The following TMEFF2 variants were observed in gnomAD, a reference collection of about 807,000 sequenced individuals.
TMEFF2 encodes the protein tomoregulin-2.
A neutral mutation model predicts 53.8 loss-of-function variants in TMEFF2; 28 were observed. That is an observed-to-expected ratio of 0.52 (90% confidence interval 0.39 to 0.71). TMEFF2 has a LOEUF of 0.71. Ranked by LOEUF, TMEFF2 falls within the 30% of genes least tolerant of loss-of-function variation. TMEFF2 has a pLI of 0.00. For missense variants in TMEFF2, 353 were observed against 455.2 expected (o/e 0.78, Z 2.04); for synonymous variants, 162 against 166.3 (o/e 0.97, Z 0.20).
intron 4 of TMEFF2, among the ~76,000 whole-genome samples, chr2:192,162,953 C>G (rs1270851913): frequency 6.6e-6 from 1 of 152,146 alleles, no homozygotes; most frequent in Non-Finnish European, 1.5e-5. Flanking sequence ...ACAAGCAGAG[C>G]TTAATTGTAG....
At chr2:192,166,065 A>G (rs1690758254) in intron 4 of TMEFF2, among the ~76,000 whole-genome samples, 1 of 152,154 alleles carries the variant, frequency 6.6e-6, no homozygotes, top group African/African-American at 2.4e-5. Flanking sequence ...ACCTGTTTCT[A>G]GTTCGTGACG....
chr2:192,147,286 T>C (rs781083353), intron 4 of TMEFF2, among the ~76,000 whole-genome samples: 1 of 152,070 alleles, frequency 6.6e-6, no homozygotes, highest in Non-Finnish European at 1.5e-5. Context: ...AGTCCACTTA[T>C]AATGATAAAC....
At chr2:192,078,614 G>A (rs1294353948) in intron 4 of TMEFF2, among the ~76,000 whole-genome samples, 1 of 152,088 alleles carries the variant, frequency 6.6e-6, no homozygotes, top group African/African-American at 2.4e-5. Flanking sequence ...TATTTGTGGG[G>A]AATTCAGGCA....
intron 3 of TMEFF2, among the ~76,000 whole-genome samples, chr2:192,182,802 G>C (rs1207598901): frequency 6.6e-6 from 1 of 151,894 alleles, no homozygotes; most frequent in East Asian, 1.9e-4. Flanking sequence ...CCTGGTTCCT[G>C]GGATTTTACT....
chr2:192,091,501 C>T (rs1160533177), intron 4 of TMEFF2, among the ~76,000 whole-genome samples: 3 of 152,124 alleles, frequency 2.0e-5, no homozygotes, highest in Non-Finnish European at 4.4e-5. Context: ...TATTTACTTC[C>T]TTTGCTTGTC....
chr2:192,131,408 C>T lies in TMEFF2; in HGVS notation c.439+48260G>A, dbSNP rs532507886. Among the ~76,000 whole-genome samples the T allele has an allele frequency of 2.0e-4, 30 of 151,438 alleles. No homozygotes were observed. In the South Asian group the frequency reaches 2.9e-3, roughly 15 times the overall value. On this transcript the variant is annotated intron_variant, in intron 4 of 9. Coordinates refer to ENST00000272771, the MANE Select transcript of TMEFF2 (RefSeq NM_016192.4). ...CTCCTTCACCTTTAGCGGCAAGTCC[C>T]GCTTTTCTGGGGGAAGGGCAAGTAC...
In TMEFF2 at chr2:192,006,230, T is replaced by G. The variant is rs1289515084; in HGVS notation, c.537-7022A>C. 4.6e-5 allele frequency among the ~76,000 whole-genome samples: 7 copies of G among 152,248 alleles called. No individual in the cohort carries two copies. The East Asian group carries it at 1.4e-3, about 29-fold the overall frequency. ...AGCTTAGTTGCCATTAGTATCGATC[T>G]CTTTATAAGGATGCAAAACATAGAA... On this transcript the variant is annotated intron_variant, in intron 5 of 9. Coordinates refer to ENST00000272771, the MANE Select transcript of TMEFF2 (RefSeq NM_016192.4).
At chr2:192,006,345 A>G (rs1224946455) in intron 5 of TMEFF2, among the ~76,000 whole-genome samples, 1 of 152,144 alleles carries the variant, frequency 6.6e-6, no homozygotes, top group African/African-American at 2.4e-5. Context: ...TCAGAGGAAA[A>G]CTGAGCTGCG....
intron 7 of TMEFF2, among the ~76,000 whole-genome samples, chr2:191,984,045 C>A (rs757540169): frequency 6.6e-6 from 1 of 152,098 alleles, no homozygotes; most frequent in Non-Finnish European, 1.5e-5. Context: ...CCTAGTAGTC[C>A]ATCTGCTGAA....
intron 5 of TMEFF2, among the ~76,000 whole-genome samples, chr2:192,040,738 A>C (rs1268719204): frequency 1.3e-5 from 2 of 152,164 alleles, no homozygotes; most frequent in Non-Finnish European, 2.9e-5. Context: ...TGAATTTTAC[A>C]TATGAGAAAA....
rs147664271 is a variant in TMEFF2 at position 191,978,301 on chromosome 2, A to C, written c.745+19961T>G. Among the ~76,000 whole-genome samples, 607 of 152,226 alleles carry C rather than the reference A, an allele frequency of 4.0e-3. 3 individuals are homozygous for C. The highest frequency in any genetic ancestry group is 0.014 in the African/African-American group (573 of 41,550). On this transcript the variant is annotated intron_variant, in intron 7 of 9. Transcript: ENST00000272771. ...TGGTCAAAGGGATCTCAGTTTATAC[A>C]TACTCTCAGCTTCTTAAATAGGTGG...
At chr2:191,959,264 C>T (rs983002679) in intron 7 of TMEFF2, among the ~76,000 whole-genome samples, 2 of 152,176 alleles carry the variant, frequency 1.3e-5, no homozygotes, top group Admixed American at 6.5e-5. Context: ...TGTTTAAAAT[C>T]CTCAACTAGT....
rs1688935979 is a variant in TMEFF2, at chr2:192,097,300, G to GT, written c.440-39526dup. Among the ~76,000 whole-genome samples the GT allele has an allele frequency of 2.0e-5, 3 of 152,348 alleles. No homozygotes were observed. The South Asian group carries it at 6.2e-4, about 32-fold the overall frequency. On this transcript the variant is annotated intron_variant, in intron 4 of 9. Transcript: ENST00000272771. ...ACAACAGAAGTACATAGATTTGGTT[G>GT]TAATTCCAGTTGATTGTTGATTTGT...
chr2:192,111,988 T>C (rs989243784), intron 4 of TMEFF2, among the ~76,000 whole-genome samples: 7 of 152,276 alleles, frequency 4.6e-5, no homozygotes, highest in South Asian at 2.1e-4. Flanking sequence ...AGAGAATGCA[T>C]GGAAATGCCT....
intron 4 of TMEFF2, among the ~76,000 whole-genome samples, chr2:192,168,635 C>T (rs1179151756): frequency 6.6e-6 from 1 of 152,050 alleles, no homozygotes; most frequent in Non-Finnish European, 1.5e-5. Context: ...CTCCTCCTGG[C>T]ATGCCATTAT....
At chr2:192,096,670 C>CTCTGTCTTTTTTT (rs61068218) in intron 4 of TMEFF2, among the ~76,000 whole-genome samples, 2 of 53,684 alleles carry the variant, frequency 3.7e-5, no homozygotes, top group African/African-American at 1.3e-4. Context: ...CTCTCTCTCT[C>CTCTGTCTTTTTTT]TTTTTTTTTT....
At chr2:192,082,254 C>A (rs1456984200) in intron 4 of TMEFF2, among the ~76,000 whole-genome samples, 1 of 152,046 alleles carries the variant, frequency 6.6e-6, no homozygotes, top group Admixed American at 6.5e-5. Flanking sequence ...ATCCTTACTT[C>A]TTACTATTGT....
intron 5 of TMEFF2, among the ~76,000 whole-genome samples, chr2:192,038,999 C>T (rs1297490327): frequency 6.6e-6 from 1 of 152,154 alleles, no homozygotes; most frequent in Non-Finnish European, 1.5e-5. Flanking sequence ...ATGCACTCTA[C>T]TTTATTGCCA....
chr2:192,115,556 G>A (rs1272216681), intron 4 of TMEFF2, among the ~76,000 whole-genome samples: 1 of 151,948 alleles, frequency 6.6e-6, no homozygotes, highest in Non-Finnish European at 1.5e-5. Context: ...AACATATGGA[G>A]TGGGAGAAAA....
Sources: gnomAD v4.1 joint callset for allele counts (sites outside exome capture counted in the v4.1 genomes callset) on GRCh38, gnomAD v4.1.1 for gene constraint, MANE v1.5 for transcripts, NCBI Gene and HGNC (gene_info 2026-07-23, HGNC 2026-07-21) for gene names.